ATP7A: variants seen among roughly 807,000 people sequenced by gnomAD.
The protein encoded by ATP7A is ATPase copper transporting alpha.
Under a neutral mutation model 83.5 loss-of-function variants are expected in ATP7A, and 7 were observed. That is an observed-to-expected ratio of 0.08 (90% CI 0.05 to 0.16). The LOEUF (loss-of-function observed/expected upper bound fraction) is 0.16, where lower values mean the gene tolerates loss of function less well. Among genes scored for constraint, ATP7A ranks in the 10% least tolerant of loss-of-function variants. The pLI, the probability that ATP7A is intolerant of heterozygous loss-of-function variation, is 1.00. For missense variants in ATP7A, 940 were observed against 1,120.8 expected (o/e 0.84, Z 2.30); for synonymous variants, 354 against 395.2 (o/e 0.90, Z 1.24).
At chrX:78,020,093 T>C in intron 12 of ATP7A, 151 bp from the exon 13 acceptor site, 1 of 650,327 alleles carries the variant, frequency 1.5e-6, no homozygotes, top group East Asian at 3.5e-5. Flanking sequence ...GGCCTAGAAC[T>C]GATATAAGGA....
intron 2 of ATP7A, among the ~76,000 whole-genome samples, chrX:77,986,516 C>T (rs1176964123): frequency 9.0e-6 from 1 of 111,304 alleles, no homozygotes; most frequent in African/African-American, 3.3e-5. Context: ...TTTATCATCT[C>T]TCCTTTCCCT....
intron 15 of ATP7A, among the ~76,000 whole-genome samples, chrX:78,030,959 G>A (rs1164239061): frequency 9.0e-6 from 1 of 110,702 alleles, no homozygotes; most frequent in African/African-American, 3.3e-5. Context: ...TGAAAGTGCT[G>A]GGATTATAGG....
intron 14 of ATP7A, among the ~76,000 whole-genome samples, chrX:78,028,908 A>G (rs782740010): frequency 8.9e-6 from 1 of 112,460 alleles, no homozygotes; most frequent in Admixed American, 9.4e-5. Context: ...TTTACTCTAC[A>G]GAGATTGAGA....
intron 1 of ATP7A, chrX:77,963,231 G>C (rs1425205488): frequency 4.2e-5 from 5 of 119,635 alleles, no homozygotes; most frequent in African/African-American, 6.5e-5. Flanking sequence ...GCAGTAAGAT[G>C]CCAAGCATGG....
At chrX:78,024,319 T>G (rs1410441037) in intron 14 of ATP7A, among the ~76,000 whole-genome samples, 1 of 112,335 alleles carries the variant, frequency 8.9e-6, no homozygotes, top group African/African-American at 3.2e-5. Context: ...TTTTAAATTC[T>G]GTGACAGAGA....
At chrX:77,998,713 A>G (rs782674082) in intron 5 of ATP7A, 29 bp downstream of exon 5, 3 of 1,186,736 alleles carry the variant, frequency 2.5e-6, no homozygotes, top group Non-Finnish European at 3.4e-6. Flanking sequence ...TTGTTATTTT[A>G]TGTGCTAGTT....
At chrX:77,973,554 A>G (rs952751558) in intron 2 of ATP7A, among the ~76,000 whole-genome samples, 22 of 112,559 alleles carry the variant, frequency 2.0e-4, no homozygotes, top group Non-Finnish European at 3.8e-4. Flanking sequence ...GATATTGAGC[A>G]TCTTTTCATG....
intron 8 of ATP7A, 29 bp from the exon 9 acceptor site, chrX:78,011,420 T>A (rs1159876938): frequency 6.0e-6 from 7 of 1,170,825 alleles, no homozygotes; most frequent in Non-Finnish European, 8.1e-6. Context: ...ATGACCATGA[T>A]TTTTCTTTTT....
intron 1 of ATP7A, among the ~76,000 whole-genome samples, chrX:77,971,134 A>G (rs1257935966): frequency 3.6e-5 from 4 of 112,103 alleles, no homozygotes; most frequent in Non-Finnish European, 7.5e-5. Flanking sequence ...CGTAACAGCC[A>G]GGAGGCCAGT....
At chrX:78,022,769 C>T (rs553428784) in intron 14 of ATP7A, among the ~76,000 whole-genome samples, 2 of 110,219 alleles carry the variant, frequency 1.8e-5, no homozygotes, top group Admixed American at 9.7e-5. Context: ...CCACCTGCCT[C>T]GGCCTCCCAA....
intron 14 of ATP7A, among the ~76,000 whole-genome samples, chrX:78,024,724 CA>C (rs1367753935): frequency 9.0e-6 from 1 of 111,331 alleles, no homozygotes; most frequent in African/African-American, 3.3e-5. Context: ...ATCAGAGGGG[CA>C]TACTCATGGG....
chrX:77,988,619 T>C lies in ATP7A; in HGVS notation c.498T>C (p.Ala166=), dbSNP rs782701351. 5.0e-6 allele frequency: 6 copies of C among 1,211,635 alleles called. No homozygotes were observed. The highest frequency in any genetic ancestry group is 6.7e-6 in the Non-Finnish European group (6 of 895,435). ...GAGCTTGTGAAGATCATAGTATGGCTCAAGCTGGTGAAGTCGTGCTGAAGA... is the reference window on the plus strand; with the variant it reads ...GAGCTTGTGAAGATCATAGTATGGCCCAAGCTGGTGAAGTCGTGCTGAAGA... ...KSGACEDHSM[A]QAGEVVLKMK... is the part of the protein sequence containing the mutation. Residue 166 remains alanine, a synonymous_variant, in exon 3 of 23, where the codon GCT becomes GCC. Transcript: ENST00000341514.
intron 1 of ATP7A, among the ~76,000 whole-genome samples, chrX:77,952,684 G>A (rs782669841): frequency 9.0e-6 from 1 of 111,084 alleles, no homozygotes; most frequent in East Asian, 2.8e-4. Context: ...GAAATGTTTG[G>A]CCAAACTGAG....
intron 1 of ATP7A, among the ~76,000 whole-genome samples, chrX:77,948,059 ATATTTATT>A (rs200263608): frequency 0.013 from 1,245 of 94,029 alleles, 17 homozygotes; most frequent in African/African-American, 0.032. Context: ...CAATTTAAAA[ATATTTATT>A]TATTTATTTA....
chrX:77,953,628 G>A (rs2077425643), intron 1 of ATP7A, among the ~76,000 whole-genome samples: 1 of 112,243 alleles, frequency 8.9e-6, no homozygotes, highest in African/African-American at 3.2e-5. Context: ...GCCCCTGTTG[G>A]AAAGGCACAT....
chrX:78,024,342 T>A (rs1557236117), intron 14 of ATP7A, among the ~76,000 whole-genome samples: 1 of 111,884 alleles, frequency 8.9e-6, no homozygotes, highest in East Asian at 2.8e-4. Context: ...ATTAGTAGTT[T>A]TATAGGAATT....
At position 78,000,968 on chromosome X, in the gene ATP7A, C is replaced by T. The variant is rs1026116503; in HGVS notation, c.1544-2105C>T. Among the ~76,000 whole-genome samples the T allele has an allele frequency of 3.6e-5, 4 of 111,350 alleles. No homozygotes were observed. In the Admixed American group the frequency reaches 3.9e-4, roughly 11 times the overall value. On this transcript the variant is annotated intron_variant, in intron 5 of 22. Transcript: ENST00000341514. ...GCATGGGCCACCACACCTGGCCCTG[C>T]GTTATATTTTTAAAAAATGAACAGA... is the stretch of plus-strand genomic sequence containing the variant.
chrX:77,979,461 T>A (rs2077593432), intron 2 of ATP7A, among the ~76,000 whole-genome samples: 1 of 112,118 alleles, frequency 8.9e-6, no homozygotes, highest in Non-Finnish European at 1.9e-5. Flanking sequence ...CAAACCCCTA[T>A]GACACAAGTT....
At chrX:77,931,558 C>T (rs1450720893) in intron 1 of ATP7A, among the ~76,000 whole-genome samples, 1 of 112,285 alleles carries the variant, frequency 8.9e-6, no homozygotes, top group African/African-American at 3.2e-5. Context: ...GGTGGCCGGG[C>T]AGAGGGGCTC....
Sources: gnomAD v4.1 joint callset for allele counts (sites outside exome capture counted in the v4.1 genomes callset) on GRCh38, gnomAD v4.1.1 for gene constraint, MANE v1.5 for transcripts, NCBI Gene and HGNC (gene_info 2026-07-23, HGNC 2026-07-21) for gene names.